Variants in SHROOM2 observed in about 807,000 individuals in gnomAD.
SHROOM2 encodes the protein protein Shroom2.
Under a neutral mutation model 75.9 loss-of-function variants are expected in SHROOM2, and 33 were observed. That is an observed-to-expected ratio of 0.43 (90% confidence interval 0.33 to 0.58). The LOEUF (loss-of-function observed/expected upper bound fraction) is 0.58. SHROOM2 is among the 20% of genes least tolerant of loss of function. The pLI, the probability that SHROOM2 is intolerant of heterozygous loss-of-function variation, is 0.04. For missense variants in SHROOM2, 1,434 were observed against 1,461.2 expected, an observed-to-expected ratio of 0.98 and a Z score of 0.30; for synonymous variants, 655 against 663.6, an observed-to-expected ratio of 0.99 and a Z score of 0.20.
intron 5 of SHROOM2, among the ~76,000 whole-genome samples, chrX:9,899,325 G>A (rs1226075117): frequency 1.8e-5 from 2 of 110,435 alleles, no homozygotes; most frequent in Non-Finnish European, 3.8e-5. Context: ...GAGAGTGTGC[G>A]TCTCTACAGA....
chrX:9,792,070 A>G (rs1407559978), intron 1 of SHROOM2, among the ~76,000 whole-genome samples: 1 of 6,542 alleles, frequency 1.5e-4, no homozygotes, highest in Admixed American at 2.8e-3. Context: ...AGAATAGAAT[A>G]GAATAGAATA....
intron 1 of SHROOM2, among the ~76,000 whole-genome samples, chrX:9,816,040 A>G (rs1377077007): frequency 8.9e-6 from 1 of 112,410 alleles, no homozygotes; most frequent in Non-Finnish European, 1.9e-5. Context: ...GTGGGATCGT[A>G]GAATATGTGG....
At chrX:9,851,155 C>T (rs766363702) in intron 1 of SHROOM2, among the ~76,000 whole-genome samples, 13 of 111,181 alleles carry the variant, frequency 1.2e-4, no homozygotes, top group African/African-American at 3.9e-4. Flanking sequence ...ACTGCAGGCA[C>T]ACTCCACCAA....
At chrX:9,870,278 C>G (rs1223447466) in intron 1 of SHROOM2, among the ~76,000 whole-genome samples, 1 of 111,878 alleles carries the variant, frequency 8.9e-6, no homozygotes, top group African/African-American at 3.2e-5. Flanking sequence ...AATTAGTTTT[C>G]TAAGCAGTTA....
Position 9,808,723 on chromosome X carries a change from G to A in SHROOM2, c.165+22013G>A, listed in dbSNP as rs768211950. On this transcript the variant is annotated intron_variant, in intron 1 of 9. Transcript: ENST00000380913. ...CTAAAAATACAAAAATTAGCCAGGCGTGGTATCAGGCGCCTATAATCCCAG... is the reference window on the plus strand; with the variant it reads ...CTAAAAATACAAAAATTAGCCAGGCATGGTATCAGGCGCCTATAATCCCAG... 9.7e-4 allele frequency among the ~76,000 whole-genome samples: 107 copies of A among 110,149 alleles called. 3 individuals are homozygous for A. Among genetic ancestry groups the A allele is most frequent in the African/African-American group, 3.3e-4 (10 of 30,273 alleles).
chrX:9,851,176 C>T (rs1168838294), intron 1 of SHROOM2, among the ~76,000 whole-genome samples: 1 of 111,182 alleles, frequency 9.0e-6, no homozygotes, highest in South Asian at 3.8e-4. Context: ...GCCTGGCTAA[C>T]GCTTTTAATT....
chrX:9,851,182 T>C (rs2084037593), intron 1 of SHROOM2, among the ~76,000 whole-genome samples: 1 of 111,385 alleles, frequency 9.0e-6, no homozygotes, highest in Admixed American at 9.6e-5. Context: ...CTAACGCTTT[T>C]AATTTTTGTA....
At chrX:9,881,050 G>A (rs2084228833) in intron 2 of SHROOM2, among the ~76,000 whole-genome samples, 1 of 111,594 alleles carries the variant, frequency 9.0e-6, no homozygotes, top group Admixed American at 9.5e-5. Context: ...AGAAGGCTTT[G>A]CTGAATGGTA....
At chrX:9,922,635 A>G (rs1293812973) in intron 5 of SHROOM2, among the ~76,000 whole-genome samples, 1 of 111,314 alleles carries the variant, frequency 9.0e-6, no homozygotes, top group African/African-American at 3.3e-5. Flanking sequence ...CTGTGAATAC[A>G]GCACCACTGG....
chrX:9,808,434 C>G (rs2083769445), intron 1 of SHROOM2, among the ~76,000 whole-genome samples: 1 of 108,950 alleles, frequency 9.2e-6, no homozygotes, highest in African/African-American at 3.3e-5. Flanking sequence ...ATAGTCCCAC[C>G]TACTTGGGAG....
intron 1 of SHROOM2, among the ~76,000 whole-genome samples, chrX:9,795,127 T>TTTTG (rs2083688435): frequency 9.1e-6 from 1 of 110,145 alleles, no homozygotes; most frequent in Admixed American, 9.8e-5. Flanking sequence ...CTTTTTTTTT[T>TTTTG]GAAGAGACAG....
intron 1 of SHROOM2, among the ~76,000 whole-genome samples, chrX:9,815,554 C>CTA (rs201285331): frequency 5.1e-4 from 35 of 68,041 alleles, no homozygotes; most frequent in Non-Finnish European, 9.6e-4. Flanking sequence ...TATCCTATAT[C>CTA]TATCCTATAT....
chrX:9,789,557 T>G (rs966245832), intron 1 of SHROOM2, among the ~76,000 whole-genome samples: 3 of 111,283 alleles, frequency 2.7e-5, no homozygotes, highest in African/African-American at 9.8e-5. Context: ...GTTTTTTGCA[T>G]GTTTCTGTTC....
intron 1 of SHROOM2, among the ~76,000 whole-genome samples, chrX:9,836,963 C>T (rs1293506579): frequency 2.3e-4 from 26 of 112,363 alleles, no homozygotes; most frequent in Non-Finnish European, 4.5e-4. Context: ...ACATGGAATC[C>T]TGCAGTATGT....
At chrX:9,833,608 CTGTGTGTGTGTGTGTGTGTG>C (rs144161839) in intron 1 of SHROOM2, among the ~76,000 whole-genome samples, 1 of 95,357 alleles carries the variant, frequency 1.0e-5, no homozygotes, top group Non-Finnish European at 2.0e-5. Flanking sequence ...CAAGTAGACT[CTGTGTGTGTGTGTGTGTGTG>C]TGTGTGTGTG....
intron 1 of SHROOM2, among the ~76,000 whole-genome samples, chrX:9,867,536 A>C (rs947135114): frequency 9.0e-6 from 1 of 111,533 alleles, no homozygotes; most frequent in African/African-American, 3.3e-5. Context: ...GTGCTTCCTT[A>C]CCTTGTAGAC....
chrX:9,918,978 A>G (rs967347255), intron 5 of SHROOM2, among the ~76,000 whole-genome samples: 6 of 112,164 alleles, frequency 5.3e-5, no homozygotes, highest in Non-Finnish European at 9.4e-5. Flanking sequence ...CATGGGATTC[A>G]GAAGGCCCGA....
chrX:9,872,757 T>C (rs945203236), intron 1 of SHROOM2, among the ~76,000 whole-genome samples: 1 of 111,202 alleles, frequency 9.0e-6, no homozygotes, highest in Non-Finnish European at 1.9e-5. Context: ...TATGGAGAAA[T>C]TGGAACCTTC....
intron 2 of SHROOM2, among the ~76,000 whole-genome samples, chrX:9,880,660 G>C (rs1038183323): frequency 8.9e-6 from 1 of 112,611 alleles, no homozygotes; most frequent in South Asian, 3.7e-4. Context: ...TGAAGTACCC[G>C]ACACAGCCTT....
Sources: gnomAD v4.1 joint callset for allele counts (sites outside exome capture counted in the v4.1 genomes callset) on GRCh38, gnomAD v4.1.1 for gene constraint, MANE v1.5 for transcripts, NCBI Gene and HGNC (gene_info 2026-07-23, HGNC 2026-07-21) for gene names.